CSMD3: variants seen among roughly 807,000 people sequenced by gnomAD.
The protein encoded by CSMD3 is CUB and Sushi multiple domains 3, also known as CUB and sushi domain-containing protein 3.
CSMD3 carries 177 observed loss-of-function variants against 435.2 expected under a neutral mutation model. That is an observed-to-expected ratio of 0.41 (90% CI 0.36 to 0.46). The LOEUF is 0.46. CSMD3 is among the 20% of genes least tolerant of loss of function. The probability of loss-of-function intolerance (pLI) is 0.34; values close to 1 mark genes in which losing one functional copy is unlikely to be tolerated. For synonymous variants in CSMD3, 1,656 were observed against 1,520.5 expected (o/e 1.09, Z -2.07); for missense variants, 4,265 against 4,504.6 (o/e 0.95, Z 1.52).
chr8:112,894,765 AC>A (rs1478599548), intron 10 of CSMD3, among the ~76,000 whole-genome samples: 1 of 151,380 alleles, frequency 6.6e-6, no homozygotes, highest in African/African-American at 2.4e-5. Context: ...ACTTGCTACT[AC>A]TAATGTATTA....
At chr8:112,902,863 G>C (rs2082144049) in intron 10 of CSMD3, among the ~76,000 whole-genome samples, 1 of 151,254 alleles carries the variant, frequency 6.6e-6, no homozygotes, top group Non-Finnish European at 1.5e-5. Context: ...CATAAGCATT[G>C]AGAGTTGTTG....
At chr8:112,537,748 T>C (rs1826263476) in intron 27 of CSMD3, among the ~76,000 whole-genome samples, 1 of 151,162 alleles carries the variant, frequency 6.6e-6, no homozygotes, top group African/African-American at 2.4e-5. Flanking sequence ...AAGTCCCCCA[T>C]CAATAAAAAA....
At chr8:113,235,826 C>T (rs2093141535) in intron 3 of CSMD3, among the ~76,000 whole-genome samples, 1 of 151,678 alleles carries the variant, frequency 6.6e-6, no homozygotes, top group South Asian at 2.1e-4. Flanking sequence ...CTTGCACCCT[C>T]ATGCATGACC....
chr8:112,870,337 C>A (rs1258690536), intron 10 of CSMD3, among the ~76,000 whole-genome samples: 1 of 150,614 alleles, frequency 6.6e-6, no homozygotes, highest in African/African-American at 2.4e-5. Context: ...GGCTCGATCT[C>A]GGCTCACTGC....
intron 7 of CSMD3, among the ~76,000 whole-genome samples, chr8:112,955,805 T>C (rs1051939279): frequency 6.6e-6 from 1 of 151,932 alleles, no homozygotes; most frequent in African/African-American, 2.4e-5. Flanking sequence ...TTAAATGTTA[T>C]GCAATTAGGT....
At chr8:113,306,608 G>A (rs923211800) in intron 2 of CSMD3, among the ~76,000 whole-genome samples, 1 of 152,136 alleles carries the variant, frequency 6.6e-6, no homozygotes, top group Admixed American at 6.5e-5. Context: ...GTATAGTGAG[G>A]AAAGATTTTA....
intron 58 of CSMD3, among the ~76,000 whole-genome samples, chr8:112,285,902 A>G (rs1201376287): frequency 6.6e-6 from 1 of 151,732 alleles, no homozygotes; most frequent in African/African-American, 2.4e-5. Flanking sequence ...AGATTTTTGT[A>G]GAGATGTGGT....
chr8:112,982,642 C>G (rs2085095785), intron 6 of CSMD3, among the ~76,000 whole-genome samples: 1 of 151,852 alleles, frequency 6.6e-6, no homozygotes, highest in African/African-American at 2.4e-5. Context: ...CATTTTCATA[C>G]CCTTGTTTTC....
intron 10 of CSMD3, among the ~76,000 whole-genome samples, chr8:112,875,334 G>T (rs2081252019): frequency 1.3e-5 from 2 of 151,998 alleles, no homozygotes; most frequent in Non-Finnish European, 2.9e-5. Context: ...AACCTTTCTT[G>T]CTGCCTACAC....
chr8:112,362,506 C>T (rs1827340977), intron 38 of CSMD3, among the ~76,000 whole-genome samples: 1 of 151,864 alleles, frequency 6.6e-6, no homozygotes, highest in Admixed American at 6.6e-5. Flanking sequence ...GTTAAATGAA[C>T]AAAAAGTTAA....
At chr8:113,428,931 C>G (rs1010897816) in intron 1 of CSMD3, among the ~76,000 whole-genome samples, 4 of 151,708 alleles carry the variant, frequency 2.6e-5, no homozygotes, top group Admixed American at 2.6e-4. Context: ...TTATTTTAAA[C>G]TCATGATCAT....
At chr8:112,499,494 A>G (rs1331372571) in intron 30 of CSMD3, among the ~76,000 whole-genome samples, 1 of 152,086 alleles carries the variant, frequency 6.6e-6, no homozygotes, top group Non-Finnish European at 1.5e-5. Context: ...GATGATACAA[A>G]TTTCTCTCCT....
intron 1 of CSMD3, among the ~76,000 whole-genome samples, chr8:113,326,270 G>T (rs2093983243): frequency 6.6e-6 from 1 of 152,066 alleles, no homozygotes; most frequent in African/African-American, 2.4e-5. Context: ...GAGTTCAGTT[G>T]ATTACAAATC....
At chr8:113,210,804 G>GA (rs2092825795) in intron 3 of CSMD3, among the ~76,000 whole-genome samples, 1 of 151,910 alleles carries the variant, frequency 6.6e-6, no homozygotes. Context: ...TTGGACCCAG[G>GA]AGACAGCAGA....
At chr8:113,216,925 T>A (rs942946409) in intron 3 of CSMD3, among the ~76,000 whole-genome samples, 1 of 151,812 alleles carries the variant, frequency 6.6e-6, no homozygotes, top group African/African-American at 2.4e-5. Context: ...CTAAGATCCA[T>A]ATGTGCAGGG....
rs2130851973 is a variant in CSMD3 at position 112,492,492 on chromosome 8, G to C, written c.5275C>G (p.His1759Asp). 1.9e-6 allele frequency: 3 copies of C among 1,612,978 alleles called. No individual in the cohort carries two copies. The highest frequency in any genetic ancestry group is 2.5e-6 in the Non-Finnish European group (3 of 1,179,078). The part of the protein sequence containing the change: ...PGWNRALPSC[H>D]APCGSRSTGS... The stretch of plus-strand genomic sequence containing the variant: ...AGCCAAAAAATATGTTCCTTACCAT[G>C]ACAACTTGGCAAGGCTCTATTCCAT... Residue 1759 changes from histidine (H) to aspartate (D), a missense_variant, in exon 31 of 71, where the codon CAT becomes GAT. This residue lies in a region of CSMD3 where 3,255 missense variants were observed against 3,380.2 expected (regional missense o/e 0.96). Transcript: ENST00000297405.
intron 30 of CSMD3, among the ~76,000 whole-genome samples, chr8:112,494,494 C>CCTTTCTTT (rs66517203): frequency 0.017 from 664 of 39,918 alleles, 14 homozygotes; most frequent in Non-Finnish European, 0.023. Context: ...TTCTTTCTCT[C>CCTTTCTTT]CTTTCTTTCT....
rs2092306578 is a variant in CSMD3 at position 113,173,804 on chromosome 8, G to T, written c.627C>A (p.Ile209=). The change falls in exon 4 of 71, where the codon ATC becomes ATA. Residue 209 remains isoleucine, a synonymous_variant. Transcript: ENST00000297405. Reference sequence around the variant, plus strand: ...AGGTGAGCTGAGGGTGGCCATCAAGGATGTATCCAGTTACACAGCTGTAGC... The same window carrying T: ...AGGTGAGCTGAGGGTGGCCATCAAGTATGTATCCAGTTACACAGCTGTAGC... The part of the protein sequence containing the change: ...KIRYSCVTGY[I]LDGHPQLTCI... 1 of 1,613,764 alleles carries T rather than the reference G, an allele frequency of 6.2e-7. No homozygotes were observed. The highest frequency in any genetic ancestry group is 8.5e-7 in the Non-Finnish European group (1 of 1,179,734).
chr8:112,887,387 A>C (rs918536682), intron 10 of CSMD3, among the ~76,000 whole-genome samples: 5 of 151,296 alleles, frequency 3.3e-5, no homozygotes, highest in African/African-American at 1.2e-4. Flanking sequence ...TAGAGTATTA[A>C]AGAAAAAATA....
Sources: allele counts gnomAD v4.1 joint callset (sites outside exome capture counted in the v4.1 genomes callset), GRCh38; gene constraint gnomAD v4.1.1; regional missense constraint gnomAD v4.1.1; transcripts MANE v1.5; gene names NCBI Gene and HGNC (gene_info 2026-07-23, HGNC 2026-07-21).